Variants in CCDC27 observed in about 807,000 individuals in gnomAD.
CCDC27 encodes coiled-coil domain-containing protein 27.
CCDC27 carries 80 observed loss-of-function variants against 80.3 expected under a neutral mutation model. The observed-to-expected ratio is 1.00, with a 90% CI of 0.83 to 1.20. The LOEUF (loss-of-function observed/expected upper bound fraction) is 1.20, where lower values mean the gene tolerates loss of function less well. Among genes scored for constraint, CCDC27 ranks in the 50% most tolerant of loss-of-function variants. CCDC27 has a pLI of 0.00. For missense variants in CCDC27, 815 were observed against 809.4 expected (o/e 1.01, Z -0.08); for synonymous variants, 342 against 334.3 (o/e 1.02, Z -0.25).
intron 1 of CCDC27, 46 bp downstream of exon 1, chr1:3,752,845 T>C (rs1252307649): frequency 1.3e-6 from 2 of 1,566,278 alleles, no homozygotes; most frequent in East Asian, 2.3e-5. Flanking sequence ...TGAGGTGACC[T>C]GTTTCTTCTC....
At chr1:3,764,023 G>A (rs1221119017) in intron 8 of CCDC27, among the ~76,000 whole-genome samples, 187 bp downstream of exon 8, 1 of 152,212 alleles carries the variant, frequency 6.6e-6, no homozygotes, top group Non-Finnish European at 1.5e-5. Flanking sequence ...CCCAAGGTGT[G>A]TGGGAGGCTG....
Position 3,752,783 on chromosome 1 carries a change from G to C in CCDC27, c.302G>C (p.Arg101Pro), listed in dbSNP as rs768207551. 6.2e-7 allele frequency: 1 copy of C among 1,612,336 alleles called. No homozygotes were observed. The highest frequency in any genetic ancestry group is 8.5e-7 in the Non-Finnish European group (1 of 1,179,044). Residue 101 changes from arginine (R) to proline (P), a missense_variant, in exon 1 of 12, where the codon CGC (arginine) becomes CCC (proline). By Grantham distance (103) the Arg-to-Pro change is moderately radical (BLOSUM62 -2). Coordinates refer to ENST00000294600, the MANE Select transcript of CCDC27 (RefSeq NM_152492.3). ...AGCAAGTCGGTCCAGACCATCAGCC[G>C]CTACTACAGGAAGACGGTATGGGGT... ...TLSKSVQTIS[R>P]YYRKTSEPKD... is the part of the protein sequence containing the mutation.
At position 3,763,438 on chromosome 1, in the gene CCDC27, C is replaced by G. The variant is rs1643143985; in HGVS notation, c.1285C>G (p.Leu429Val). The G allele has an allele frequency of 6.2e-7, 1 of 1,610,296 alleles. No individual in the cohort carries two copies. The highest frequency in any genetic ancestry group is 8.5e-7 in the Non-Finnish European group (1 of 1,178,792). The change falls in exon 7 of 12, where the codon CTG becomes GTG. Residue 429 changes from leucine to valine, a missense_variant. Transcript: ENST00000294600. The surrounding 1 kb of genome is among the most constrained non-coding windows in gnomAD (Gnocchi z 7.5). The part of the protein sequence containing the change: ...EQVILDFQFN[L>V]EATRTRYSLA... ...GGTCATCCTGGACTTCCAGTTCAAC[C>G]TGGAGGCCACCAGGACCAGATACTC...
chr1:3,769,779 A>C lies in CCDC27; in HGVS notation c.1744-4A>C. 6.2e-7 allele frequency: 1 copy of C among 1,612,282 alleles called. No individual in the cohort carries two copies. Among genetic ancestry groups the C allele is most frequent in the Non-Finnish European group, 8.5e-7 (1 of 1,178,388 alleles). ...GAATGATAGTGTTGTCCCTTTGCTCACAGCTCGAGAGGTTAAGGAATAAGA... is the reference window on the plus strand; with the variant it reads ...GAATGATAGTGTTGTCCCTTTGCTCCCAGCTCGAGAGGTTAAGGAATAAGA... On this transcript the variant is annotated splice_region_variant and splice_polypyrimidine_tract_variant and intron_variant, in intron 10 of 11. Transcript: ENST00000294600. The surrounding 1 kb of genome is among the most constrained non-coding windows in gnomAD (Gnocchi z 4.6).
rs750926114 is a variant in CCDC27, at chr1:3,761,253, C to G, written c.712-28C>G. The G allele has an allele frequency of 1.1e-5, 17 of 1,609,314 alleles. No individual in the cohort carries two copies. The highest frequency in any genetic ancestry group is 8.5e-7 in the Non-Finnish European group (1 of 1,177,370). ...GAAGAGTGTGTGGCTGCATGGCCCA[C>G]GGGGGCTGCCCTTGGTTTTCTGCCC... On this transcript the variant is annotated intron_variant, in intron 4 of 11. Coordinates refer to ENST00000294600, the MANE Select transcript of CCDC27 (RefSeq NM_152492.3). The surrounding 1 kb of genome is among the most constrained non-coding windows in gnomAD (Gnocchi z 5.0).
chr1:3,756,709 A>G (rs1434888488), intron 3 of CCDC27, 24 bp from the exon 4 acceptor site: 3 of 1,612,324 alleles, frequency 1.9e-6, no homozygotes, highest in Admixed American at 1.7e-5. Flanking sequence ...CTCATTTCTC[A>G]CTTGGCCTCC....
At chr1:3,770,860 T>A (rs1362215419) in intron 11 of CCDC27, among the ~76,000 whole-genome samples, 1 of 151,946 alleles carries the variant, frequency 6.6e-6, no homozygotes, top group African/African-American at 2.4e-5. Context: ...TGGAGGGAGT[T>A]ATTCCCACCG....
chr1:3,767,118 C>A (rs904255273), intron 9 of CCDC27, 115 bp from the exon 10 acceptor site: 1 of 862,000 alleles, frequency 1.2e-6, no homozygotes, highest in Non-Finnish European at 1.9e-6. Flanking sequence ...GGATTACAGG[C>A]GTGAGCCACT....
chr1:3,755,145 G>A (rs191411610), intron 2 of CCDC27, among the ~76,000 whole-genome samples: 190 of 152,356 alleles, frequency 1.2e-3, no homozygotes, highest in Middle Eastern at 6.8e-3. Context: ...TGGTCTGGAG[G>A]CAGGGGAGCT....
chr1:3,756,345 GA>G lies in CCDC27; in HGVS notation c.554-375del, dbSNP rs535731871. 8.6e-3 allele frequency: 1,186 copies of G among 138,020 alleles called. 28 individuals are homozygous for G. The East Asian group carries it at 0.088, about 10-fold the overall frequency. The allele number at this position is 138,020 out of a possible 1,614,324, so 8.5% of individuals were successfully genotyped here. Reference sequence around the variant, plus strand: ...ATAGAGCAAGACTCCATCTCAAAAAGAAAAAAAAAAAAAGAGAGATGGGAAA... The same window carrying G: ...ATAGAGCAAGACTCCATCTCAAAAAGAAAAAAAAAAAAGAGAGATGGGAAA... On this transcript the variant is annotated intron_variant, in intron 3 of 11. Coordinates refer to ENST00000294600, the MANE Select transcript of CCDC27 (RefSeq NM_152492.3).
At position 3,760,472 on chromosome 1, in the gene CCDC27, T is replaced by C. The variant is rs533903359; in HGVS notation, c.712-809T>C. On this transcript the variant is annotated intron_variant, in intron 4 of 11. Transcript: ENST00000294600. This position sits in a 1 kb window ranked among gnomAD's most constrained non-coding sequence, Gnocchi z 4.3. ...TGAGATAGATACTTGGGTCATGATTTTCCATTTCCCTCCTGGTATATGCAT... is the reference window on the plus strand; with the variant it reads ...TGAGATAGATACTTGGGTCATGATTCTCCATTTCCCTCCTGGTATATGCAT... 2.0e-5 allele frequency among the ~76,000 whole-genome samples: 3 copies of C among 152,360 alleles called. No homozygotes were observed. The South Asian group carries it at 6.2e-4, about 32-fold the overall frequency.
chr1:3,762,744 G>A (rs1318117176), intron 6 of CCDC27, 32 bp downstream of exon 6: 3 of 1,532,734 alleles, frequency 2.0e-6, no homozygotes, highest in Admixed American at 2.0e-5. Flanking sequence ...GGCACGCAGT[G>A]GGGGACCCGG....
At position 3,768,814 on chromosome 1, in the gene CCDC27, G is replaced by T. The variant is rs112702192; in HGVS notation, c.1744-969G>T. On this transcript the variant is annotated intron_variant, in intron 10 of 11. Coordinates refer to ENST00000294600, the MANE Select transcript of CCDC27 (RefSeq NM_152492.3). The surrounding 1 kb of genome is among the most constrained non-coding windows in gnomAD (Gnocchi z 5.6). The stretch of plus-strand genomic sequence containing the variant: ...AGCTGCCAACCTCTACCCTGGGGAG[G>T]GACCCCCAGTACAGAGGCCCAGCCC... 0.014 allele frequency among the ~76,000 whole-genome samples: 2,162 copies of T among 152,204 alleles called. 30 individuals carry two copies. Among genetic ancestry groups the T allele is most frequent in the Middle Eastern group, 0.048 (14 of 294 alleles).
chr1:3,765,119 A>G (rs1236613780), intron 8 of CCDC27, among the ~76,000 whole-genome samples: 1 of 151,906 alleles, frequency 6.6e-6, no homozygotes, highest in Non-Finnish European at 1.5e-5. Context: ...ATACCCTCAT[A>G]ACATCTGGGT....
At position 3,764,492 on chromosome 1, in the gene CCDC27, C is replaced by T. The variant is rs546132465; in HGVS notation, c.1452+656C>T. Among the ~76,000 whole-genome samples the T allele has an allele frequency of 1.1e-4, 16 of 152,176 alleles. No homozygotes were observed. The South Asian group carries it at 2.1e-3, about 20-fold the overall frequency. On this transcript the variant is annotated intron_variant, in intron 8 of 11. Coordinates refer to ENST00000294600, the MANE Select transcript of CCDC27 (RefSeq NM_152492.3). ...CCTTTTTTTTCCTCCCTTGCCACCG[C>T]CCCCCAACACACACAAGGGCAGCCT...
chr1:3,762,993 C>T, intron 6 of CCDC27, 115 bp from the exon 7 acceptor site: 5 of 1,303,662 alleles, frequency 3.8e-6, no homozygotes, highest in Non-Finnish European at 5.1e-6. Flanking sequence ...TCCCTGGACC[C>T]TGCAGCAGCC....
Position 3,766,718 on chromosome 1 carries a change from C to T in CCDC27, c.1530+106C>T. On this transcript the variant is annotated intron_variant, in intron 9 of 11. Transcript: ENST00000294600. This position sits in a 1 kb window ranked among gnomAD's most constrained non-coding sequence, Gnocchi z 6.1. ...GGCTGGAGCGTCTTCACAGCTGAGCCAGGACCCCTTCGGTAGCATGCCACT... is the reference window on the plus strand; with the variant it reads ...GGCTGGAGCGTCTTCACAGCTGAGCTAGGACCCCTTCGGTAGCATGCCACT... The T allele has an allele frequency of 1.2e-6, 1 of 859,192 alleles. No homozygotes were observed. Among genetic ancestry groups the T allele is most frequent in the Non-Finnish European group, 1.8e-6 (1 of 540,910 alleles). The allele number at this position is 859,192 out of a possible 1,614,324, so 53.2% of individuals were successfully genotyped here. A position where few individuals can be genotyped will look rare whatever the true frequency, so the allele number is the denominator to read the frequency against.
rs528415386 is a variant in CCDC27, at chr1:3,765,323, T to C, written c.1453-1212T>C. ...TGAAACCTCCCAGAGTTGTGCTTTATTGAGGGTGTGTTTTCATCTGTTGTA... is the reference window on the plus strand; with the variant it reads ...TGAAACCTCCCAGAGTTGTGCTTTACTGAGGGTGTGTTTTCATCTGTTGTA... On this transcript the variant is annotated intron_variant, in intron 8 of 11. Transcript: ENST00000294600. Among the ~76,000 whole-genome samples, 8 of 152,328 alleles carry C rather than the reference T, an allele frequency of 5.3e-5. No individual in the cohort carries two copies. In the East Asian group the frequency reaches 7.7e-4, roughly 15 times the overall value.
rs373078456 is a variant in CCDC27, at chr1:3,756,634, G to C, written c.554-99G>C. On this transcript the variant is annotated intron_variant, in intron 3 of 11. Transcript: ENST00000294600. ...TCTGTCTGGGCAGATAGGGGTTTCC[G>C]AGGGAAGTCTCGGAAGGGTGGATGT... 5 of 1,322,758 alleles carry C rather than the reference G, an allele frequency of 3.8e-6. No homozygotes were observed. The African/African-American group carries it at 5.8e-5, about 15-fold the overall frequency. 81.9% of individuals were successfully genotyped at this position (1,322,758 alleles called of 1,614,324 possible).
Sources: allele counts gnomAD v4.1 joint callset (sites outside exome capture counted in the v4.1 genomes callset), GRCh38; gene constraint gnomAD v4.1.1; non-coding constraint Gnocchi (gnomAD v3.1); transcripts MANE v1.5; gene names NCBI Gene and HGNC (gene_info 2026-07-23, HGNC 2026-07-21).